The following ITSN2 variants were observed in gnomAD, a reference collection of about 807,000 sequenced individuals.
ITSN2 encodes intersectin-2.
ITSN2 carries 156 observed loss-of-function variants against 243.7 expected under a neutral mutation model. That is an observed-to-expected ratio of 0.64 (90% confidence interval 0.56 to 0.73). The LOEUF is 0.73. Among genes scored for constraint, ITSN2 ranks in the 30% least tolerant of loss-of-function variants. The pLI is 0.00. For synonymous variants in ITSN2, 703 were observed against 699.9 expected (o/e 1.00, Z -0.07); for missense variants, 1,801 against 1,996.1 (o/e 0.90, Z 1.86).
intron 2 of ITSN2, among the ~76,000 whole-genome samples, chr2:24,316,903 T>C (rs1006668909): frequency 6.6e-6 from 1 of 152,200 alleles, no homozygotes; most frequent in East Asian, 1.9e-4. Flanking sequence ...GAGATAATCC[T>C]TGGGATCAGA....
At chr2:24,213,215 T>A (rs1285162375) in intron 32 of ITSN2, among the ~76,000 whole-genome samples, 1 of 152,158 alleles carries the variant, frequency 6.6e-6, no homozygotes, top group African/African-American at 2.4e-5. Flanking sequence ...CTGGGACACC[T>A]TCCCTCCTTT....
intron 7 of ITSN2, 121 bp from the exon 8 acceptor site, chr2:24,308,877 C>T: frequency 1.5e-6 from 1 of 675,688 alleles, no homozygotes; most frequent in Non-Finnish European, 2.6e-6. Context: ...GGGCCACCGA[C>T]CTGTTAGGAA....
chr2:24,206,923 T>TA (rs1668951403), intron 37 of ITSN2, among the ~76,000 whole-genome samples: 1 of 151,686 alleles, frequency 6.6e-6, no homozygotes, highest in South Asian at 2.1e-4. Flanking sequence ...GGGAAGAATT[T>TA]AAGGTGAGGG....
intron 29 of ITSN2, among the ~76,000 whole-genome samples, chr2:24,223,710 G>A: frequency 7.0e-6 from 1 of 142,934 alleles, no homozygotes; most frequent in African/African-American, 2.6e-5. Flanking sequence ...GGAAAAGAAA[G>A]GAACAGGGAG....
chr2:24,356,884 C>G (rs552859518), intron 1 of ITSN2, among the ~76,000 whole-genome samples: 3 of 146,298 alleles, frequency 2.1e-5, no homozygotes. Context: ...GACTGGGCAA[C>G]AAGAGTGAGA....
intron 8 of ITSN2, among the ~76,000 whole-genome samples, chr2:24,307,102 C>T (rs1041894929): frequency 2.0e-5 from 3 of 152,118 alleles, no homozygotes; most frequent in Admixed American, 6.5e-5. Flanking sequence ...CCGCACCTGG[C>T]CAAAATTAAC....
chr2:24,286,182 C>A, intron 16 of ITSN2, 30 bp downstream of exon 16: 1 of 1,388,288 alleles, frequency 7.2e-7, no homozygotes, highest in South Asian at 1.3e-5. Flanking sequence ...AGGCAGTTAC[C>A]TAAAAATAAA....
rs560323138 is a variant in ITSN2, at chr2:24,358,922, G to A, written c.-34+1382C>T. ...CCTTTCATTACAAAGGTGGGCACAG[G>A]GAATAGTTATCAATGCATGGAAGGG... On this transcript the variant is annotated intron_variant, in intron 1 of 39. Transcript: ENST00000355123. Among the ~76,000 whole-genome samples, 17 of 152,190 alleles carry A rather than the reference G, an allele frequency of 1.1e-4. No individual in the cohort carries two copies. The South Asian group carries it at 3.5e-3, about 32-fold the overall frequency.
At chr2:24,258,115 A>G (rs1558503531) in intron 22 of ITSN2, 22 bp from the exon 23 acceptor site, 1 of 1,573,000 alleles carries the variant, frequency 6.4e-7, no homozygotes, top group East Asian at 2.2e-5. Context: ...AAACCACCAA[A>G]AATTTTTAAA....
At chr2:24,215,558 T>A (rs764147842) in intron 32 of ITSN2, among the ~76,000 whole-genome samples, 1 of 151,590 alleles carries the variant, frequency 6.6e-6, no homozygotes, top group Admixed American at 6.6e-5. Flanking sequence ...TCCCAGCTAC[T>A]TTGGAGGCTG....
At chr2:24,300,352 A>C (rs570459184) in intron 11 of ITSN2, among the ~76,000 whole-genome samples, 181 bp from the exon 12 acceptor site, 14 of 152,358 alleles carry the variant, frequency 9.2e-5, no homozygotes, top group Non-Finnish European at 1.8e-4. Context: ...AAGGATATTC[A>C]ATTTTAGAAA....
intron 22 of ITSN2, 109 bp from the exon 23 acceptor site, chr2:24,258,202 G>A (rs772483076): frequency 4.5e-5 from 34 of 753,662 alleles, no homozygotes; most frequent in African/African-American, 8.8e-5. Flanking sequence ...GTTTTGTGTC[G>A]TGGTGACTTA....
intron 30 of ITSN2, chr2:24,220,625 A>T (rs1011850341): frequency 6.6e-6 from 8 of 1,208,976 alleles, no homozygotes; most frequent in Non-Finnish European, 8.2e-6. Context: ...CTTCCCATCC[A>T]CTCTATCCCC....
At chr2:24,271,742 G>A (rs2151461305) in intron 19 of ITSN2, 24 bp downstream of exon 19, 1 of 1,532,778 alleles carries the variant, frequency 6.5e-7, no homozygotes, top group Non-Finnish European at 8.7e-7. Context: ...TTGTTCTACT[G>A]TCTCAAAGTA....
intron 1 of ITSN2, among the ~76,000 whole-genome samples, chr2:24,332,149 G>A (rs1685863078): frequency 6.6e-6 from 1 of 152,218 alleles, no homozygotes; most frequent in Non-Finnish European, 1.5e-5. Flanking sequence ...GGCTGCGGCA[G>A]GAGAATCGCT....
At chr2:24,286,153 C>G (rs556932242) in intron 16 of ITSN2, 59 bp downstream of exon 16, 1 of 994,546 alleles carries the variant, frequency 1.0e-6, no homozygotes, top group African/African-American at 1.6e-5. Context: ...TCTATTAAAT[C>G]AAAATAATGA....
intron 3 of ITSN2, 152 bp from the exon 4 acceptor site, chr2:24,313,675 T>G: frequency 1.9e-6 from 1 of 531,062 alleles, no homozygotes. Flanking sequence ...TAAAAATTAT[T>G]TACATAACTT....
chr2:24,258,185 C>A, intron 22 of ITSN2, 92 bp from the exon 23 acceptor site: 1 of 901,150 alleles, frequency 1.1e-6, no homozygotes, highest in Non-Finnish European at 1.8e-6. Context: ...GTTCAAACAG[C>A]AGACCAGTTT....
At position 24,249,261 on chromosome 2, in the gene ITSN2, C is replaced by T. The variant is rs6750301; in HGVS notation, c.3121-379G>A. Among the ~76,000 whole-genome samples the T allele has an allele frequency of 0.98, 149,195 of 152,322 alleles. 73,065 individuals are homozygous for T. The highest frequency in any genetic ancestry group is 0.99 in the East Asian group (5,141 of 5,186). On this transcript the variant is annotated intron_variant, in intron 25 of 39. Coordinates refer to ENST00000355123, the MANE Select transcript of ITSN2 (RefSeq NM_006277.3). The surrounding 1 kb of genome is among the most constrained non-coding windows in gnomAD (Gnocchi z 4.4). ...TGTGTCCTGGATATGTCAAGGTATA[C>T]GTTATTTTGCTCCTGCTTTCTCTAA...
Sources: gnomAD v4.1 joint callset for allele counts (sites outside exome capture counted in the v4.1 genomes callset) on GRCh38, gnomAD v4.1.1 for gene constraint, Gnocchi (gnomAD v3.1) non-coding constraint, MANE v1.5 for transcripts, NCBI Gene and HGNC (gene_info 2026-07-23, HGNC 2026-07-21) for gene names.